The following FSTL5 variants were observed in gnomAD, a reference collection of about 807,000 sequenced individuals.
FSTL5 encodes follistatin like 5, also known as follistatin-related protein 5.
In FSTL5, 62 loss-of-function variants were observed where a neutral mutation model predicts 89.1. The ratio of observed to expected loss-of-function variants is 0.70; its 90% CI spans 0.57 to 0.86. The LOEUF (loss-of-function observed/expected upper bound fraction) is 0.86, where lower values mean the gene tolerates loss of function less well. Among genes scored for constraint, FSTL5 ranks in the 40% least tolerant of loss-of-function variants. The pLI is 0.00. For synonymous variants in FSTL5, 383 were observed against 346.2 expected, an observed-to-expected ratio of 1.11 and a Z score of -1.18; for missense variants, 1,057 against 1,001.6, an observed-to-expected ratio of 1.06 and a Z score of -0.75.
Position 161,538,159 on chromosome 4 carries a change from T to C in FSTL5, c.1312+7A>G, listed in dbSNP as rs776015460. ...GTGTGTGTGCTGTTGGGTGGTTCTA[T>C]ACATACGGGTCTTTCTAGCAGAGTC... On this transcript the variant is annotated splice_region_variant and intron_variant, in intron 10 of 15. Coordinates refer to ENST00000306100, the MANE Select transcript of FSTL5 (RefSeq NM_020116.5). The C allele has an allele frequency of 3.1e-6, 5 of 1,613,730 alleles. No homozygotes were observed. In the African/African-American group the frequency reaches 5.3e-5, roughly 17 times the overall value.
intron 4 of FSTL5, among the ~76,000 whole-genome samples, chr4:161,868,239 G>A (rs898897546): frequency 5.3e-5 from 8 of 152,000 alleles, no homozygotes; most frequent in East Asian, 1.9e-4. Flanking sequence ...CACTCTATTC[G>A]TCATCTACAA....
rs984652594 is a variant in FSTL5, at chr4:161,631,956, A to G, written c.894+24372T>C. Among the ~76,000 whole-genome samples the G allele has an allele frequency of 4.6e-5, 7 of 152,306 alleles. No homozygotes were observed. In the East Asian group the frequency reaches 5.8e-4, roughly 13 times the overall value. Reference sequence around the variant, plus strand: ...CCATTTCTCATTTAAAGTTCCTTCAATTTAGAAGTACACTGAAGCTATATT... The same window carrying G: ...CCATTTCTCATTTAAAGTTCCTTCAGTTTAGAAGTACACTGAAGCTATATT... On this transcript the variant is annotated intron_variant, in intron 7 of 15. Coordinates refer to ENST00000306100, the MANE Select transcript of FSTL5 (RefSeq NM_020116.5).
At chr4:161,415,131 T>C (rs1326594805) in intron 15 of FSTL5, among the ~76,000 whole-genome samples, 1 of 152,182 alleles carries the variant, frequency 6.6e-6, no homozygotes. Context: ...ACTCACCAGC[T>C]TATTCTTTTC....
In FSTL5 at chr4:161,407,588, G is replaced by A. The variant is rs543646089; in HGVS notation, c.1842-21139C>T. On this transcript the variant is annotated intron_variant, in intron 15 of 15. Transcript: ENST00000306100. ...GGACCCCATACCCCCACAGACCTAT[G>A]AGCTGGCAAGGGGATCTCCCTGGAG... Among the ~76,000 whole-genome samples, 14 of 133,640 alleles carry A rather than the reference G, an allele frequency of 1.0e-4. No homozygotes were observed. In the South Asian group the frequency reaches 2.9e-3, roughly 28 times the overall value. The allele number at this position is 133,640 out of a possible 152,430, so 87.7% of individuals were successfully genotyped here.
rs528416083 is a variant in FSTL5, at chr4:161,710,196, G to C, written c.727+49215C>G. Among the ~76,000 whole-genome samples the C allele has an allele frequency of 5.9e-5, 9 of 152,150 alleles. No homozygotes were observed. The East Asian group carries it at 1.4e-3, about 23-fold the overall frequency. ...TTGCCCAGGCTAGTCTCAAACTCCTGGTCTTAAGCCATCTGCCTTTCTTGG... is the reference window on the plus strand; with the variant it reads ...TTGCCCAGGCTAGTCTCAAACTCCTCGTCTTAAGCCATCTGCCTTTCTTGG... On this transcript the variant is annotated intron_variant, in intron 6 of 15. Coordinates refer to ENST00000306100, the MANE Select transcript of FSTL5 (RefSeq NM_020116.5).
chr4:161,806,292 A>T (rs1157869522), intron 4 of FSTL5, among the ~76,000 whole-genome samples: 1 of 152,128 alleles, frequency 6.6e-6, no homozygotes. Flanking sequence ...ACCTGGATAA[A>T]CACCCTTCCC....
At chr4:161,544,040 C>A (rs1220245069) in intron 8 of FSTL5, among the ~76,000 whole-genome samples, 2 of 151,340 alleles carry the variant, frequency 1.3e-5, no homozygotes, top group Non-Finnish European at 2.9e-5. Context: ...GCTAAAAAGC[C>A]AACAATGCAA....
At chr4:161,901,827 C>T (rs1207659601) in intron 4 of FSTL5, among the ~76,000 whole-genome samples, 4 of 151,956 alleles carry the variant, frequency 2.6e-5, no homozygotes, top group South Asian at 2.1e-4. Flanking sequence ...CCCAGCTACT[C>T]GGGAGGCCGA....
intron 3 of FSTL5, among the ~76,000 whole-genome samples, chr4:162,002,221 T>G (rs570416161): frequency 6.6e-6 from 1 of 152,294 alleles, no homozygotes; most frequent in South Asian, 2.1e-4. Context: ...ATTAGCACAC[T>G]AACACAAAAA....
intron 6 of FSTL5, among the ~76,000 whole-genome samples, chr4:161,665,139 C>G (rs1301565249): frequency 6.6e-6 from 1 of 152,126 alleles, no homozygotes; most frequent in African/African-American, 2.4e-5. Context: ...CTCAATTTAC[C>G]AATGTAACAA....
intron 6 of FSTL5, among the ~76,000 whole-genome samples, chr4:161,739,431 G>T (rs561315662): frequency 6.6e-6 from 1 of 152,132 alleles, no homozygotes; most frequent in African/African-American, 2.4e-5. Context: ...TGTTGTTCAA[G>T]CCACCCAATC....
chr4:161,486,095 G>A (rs1396614242), intron 12 of FSTL5, among the ~76,000 whole-genome samples: 12 of 138,406 alleles, frequency 8.7e-5, no homozygotes, highest in Admixed American at 3.3e-4. Flanking sequence ...AGTGAGCCGA[G>A]ATCGCAGCAC....
At chr4:161,736,897 G>C (rs906877759) in intron 6 of FSTL5, among the ~76,000 whole-genome samples, 1 of 152,050 alleles carries the variant, frequency 6.6e-6, no homozygotes, top group Non-Finnish European at 1.5e-5. Flanking sequence ...AGCCATATCT[G>C]TACCTCAAAT....
At position 161,404,465 on chromosome 4, in the gene FSTL5, T is replaced by C. The variant is rs75562925; in HGVS notation, c.1842-18016A>G. On this transcript the variant is annotated intron_variant, in intron 15 of 15. Coordinates refer to ENST00000306100, the MANE Select transcript of FSTL5 (RefSeq NM_020116.5). ...CCTGTAGACTCATGTAAACAGGAAG[T>C]AAAGGCTAAGGAAGCATTCTAAGTT... Among the ~76,000 whole-genome samples, 918 of 152,240 alleles carry C rather than the reference T, an allele frequency of 6.0e-3. 7 individuals carry two copies. Among genetic ancestry groups the C allele is most frequent in the Middle Eastern group, 0.024 (7 of 294 alleles).
chr4:162,141,106 CTTTTTTTTTTT>C (rs3032092), intron 1 of FSTL5, among the ~76,000 whole-genome samples: 11 of 44,008 alleles, frequency 2.5e-4, no homozygotes, highest in African/African-American at 9.8e-4. Flanking sequence ...TCCCTTCTCT[CTTTTTTTTTTT>C]TTTTTTTTTT....
At position 161,386,271 on chromosome 4, in the gene FSTL5, A is replaced by G. The variant is rs754161396; in HGVS notation, c.2020T>C (p.Ser674Pro). ...ACACCGTCCACCATGACCTGTGGGG[A>G]AACTGCTCCGGTGCTGTCAGGTTTG... ...GCKPDSTGAV[S>P]PQVMVDGVTD... The change falls in exon 16 of 16, where the codon TCC (serine) becomes CCC (proline). Residue 674 changes from serine (S) to proline (P), a missense_variant. Ser to Pro is a moderately conservative substitution (Grantham distance 74). This residue lies in a region of FSTL5 where 980 missense variants were observed against 903.2 expected (regional missense o/e 1.08). Transcript: ENST00000306100. The G allele has an allele frequency of 5.6e-6, 9 of 1,613,886 alleles. No individual in the cohort carries two copies. Among genetic ancestry groups the G allele is most frequent in the Non-Finnish European group, 7.6e-6 (9 of 1,179,966 alleles).
At position 161,775,766 on chromosome 4, in the gene FSTL5, C is replaced by G. The variant is rs937258305; in HGVS notation, c.606+112G>C. 3.8e-5 allele frequency: 21 copies of G among 546,648 alleles called. 2 individuals are homozygous for G. The South Asian group carries it at 4.9e-4, about 13-fold the overall frequency. 33.9% of individuals were successfully genotyped at this position (546,648 alleles called of 1,614,324 possible). A position where few individuals can be genotyped will look rare whatever the true frequency, so the allele number is the denominator to read the frequency against. ...AAAATGTTGTTATTCATATACTTTT[C>G]AATAATATGGATCAAATATACATTT... On this transcript the variant is annotated intron_variant, in intron 5 of 15. Transcript: ENST00000306100.
At position 161,573,141 on chromosome 4, in the gene FSTL5, G is replaced by A. The variant is rs571124480; in HGVS notation, c.1015+14314C>T. Among the ~76,000 whole-genome samples the A allele has an allele frequency of 2.0e-5, 3 of 152,244 alleles. No homozygotes were observed. In the East Asian group the frequency reaches 5.8e-4, roughly 29 times the overall value. ...TATCACAAATTTGGTCAGGCGTGGT[G>A]GCCCACGCCTGTAGTCCCAGCATTT... is the stretch of plus-strand genomic sequence containing the variant. On this transcript the variant is annotated intron_variant, in intron 8 of 15. Transcript: ENST00000306100.
At chr4:161,523,603 T>C (rs1008503817) in intron 10 of FSTL5, among the ~76,000 whole-genome samples, 1 of 152,194 alleles carries the variant, frequency 6.6e-6, no homozygotes, top group Non-Finnish European at 1.5e-5. Flanking sequence ...TTTAGGAAAT[T>C]CTATTATTAT....
Sources: gnomAD v4.1 joint callset for allele counts (sites outside exome capture counted in the v4.1 genomes callset) on GRCh38, gnomAD v4.1.1 for gene constraint, gnomAD v4.1.1 regional missense constraint, MANE v1.5 for transcripts, NCBI Gene and HGNC (gene_info 2026-07-23, HGNC 2026-07-21) for gene names.